Variants in RIMBP2 observed in about 807,000 individuals in gnomAD.
RIMBP2 encodes RIMS binding protein 2.
Under a neutral mutation model 118.6 loss-of-function variants are expected in RIMBP2, and 48 were observed. The ratio of observed to expected loss-of-function variants is 0.40; its 90% CI spans 0.32 to 0.51. RIMBP2 has a LOEUF of 0.51. Ranked by LOEUF, RIMBP2 falls within the 20% of genes least tolerant of loss-of-function variation. The pLI is 0.41. For missense variants in RIMBP2, 1,551 were observed against 1,768.3 expected, an observed-to-expected ratio of 0.88 and a Z score of 2.20; for synonymous variants, 762 against 742.9, an observed-to-expected ratio of 1.03 and a Z score of -0.42.
chr12:130,463,356 CAA>C, intron 6 of RIMBP2, among the ~76,000 whole-genome samples: 1 of 152,326 alleles, frequency 6.6e-6, no homozygotes, highest in African/African-American at 2.4e-5. Flanking sequence ...TGCTCAGAAG[CAA>C]CTGAGTCCGG....
At chr12:130,588,561 G>A (rs949951926) in intron 2 of RIMBP2, among the ~76,000 whole-genome samples, 26 of 152,208 alleles carry the variant, frequency 1.7e-4, no homozygotes, top group Middle Eastern at 3.2e-3. Context: ...AGGGAGACAC[G>A]CTGTTGGAGA....
intron 14 of RIMBP2, chr12:130,432,185 G>A (rs1257292328): frequency 2.2e-6 from 1 of 456,174 alleles, no homozygotes; most frequent in East Asian, 7.0e-5. Context: ...CTGGATAGGT[G>A]AGGAGAACGT....
rs567181852 is a variant in RIMBP2, at chr12:130,434,396, C to T, written c.2253+338G>A. 9.9e-5 allele frequency among the ~76,000 whole-genome samples: 15 copies of T among 152,228 alleles called. No homozygotes were observed. The highest frequency in any genetic ancestry group is 3.4e-4 in the African/African-American group (14 of 41,550). ...GGCCAACAAACATCTGCCCAGTTAACGGAGGTGAATGAGCGAATGGCAGGT... is the reference window on the plus strand; with the variant it reads ...GGCCAACAAACATCTGCCCAGTTAATGGAGGTGAATGAGCGAATGGCAGGT... On this transcript the variant is annotated intron_variant, in intron 14 of 22. Transcript: ENST00000690449. The surrounding 1 kb of genome is among the most constrained non-coding windows in gnomAD (Gnocchi z 5.7).
chr12:130,676,981 G>T (rs2064520922), intron 1 of RIMBP2, among the ~76,000 whole-genome samples: 1 of 152,178 alleles, frequency 6.6e-6, no homozygotes, highest in Admixed American at 6.5e-5. Flanking sequence ...TCACAGCAGT[G>T]TGCACCTAGA....
At chr12:130,412,567 T>TA (rs2075801880) in intron 19 of RIMBP2, 52 bp downstream of exon 19, 8 of 1,529,844 alleles carry the variant, frequency 5.2e-6, no homozygotes, top group Non-Finnish European at 7.2e-6. Flanking sequence ...GAGCGGCAGG[T>TA]GTTTTGTGGG....
Position 130,690,479 on chromosome 12 carries a change from G to C in RIMBP2, c.-352+25743C>G, listed in dbSNP as rs529412780. ...GAATGCAGAAAGAAGAAGAAACACA[G>C]ACTCTTTGGCAACATGATTTGAGCC... On this transcript the variant is annotated intron_variant, in intron 1 of 22. Transcript: ENST00000690449. Among the ~76,000 whole-genome samples, 35 of 152,284 alleles carry C rather than the reference G, an allele frequency of 2.3e-4. 1 individual carries two copies. The South Asian group carries it at 7.1e-3, about 31-fold the overall frequency.
intron 6 of RIMBP2, among the ~76,000 whole-genome samples, chr12:130,461,804 G>T (rs1441457026): frequency 1.3e-5 from 2 of 152,066 alleles, no homozygotes; most frequent in African/African-American, 2.4e-5. Context: ...GTTTCCCAAG[G>T]CCTCCCCAGA....
intron 12 of RIMBP2, among the ~76,000 whole-genome samples, chr12:130,437,606 C>T (rs888843875): frequency 6.6e-6 from 1 of 152,168 alleles, no homozygotes; most frequent in Admixed American, 6.5e-5. Flanking sequence ...GAGTGAGTGT[C>T]AGGTTTATTA....
chr12:130,545,201 G>A (rs892097583), intron 2 of RIMBP2, among the ~76,000 whole-genome samples: 18 of 152,012 alleles, frequency 1.2e-4, no homozygotes, highest in African/African-American at 3.6e-4. Context: ...GAACTTTCTC[G>A]TCAGGACTCC....
At chr12:130,426,148 C>T (rs973391703) in intron 15 of RIMBP2, 1 of 152,336 alleles carries the variant, frequency 6.6e-6, no homozygotes, top group Non-Finnish European at 1.5e-5. Context: ...CTGCCGTGCC[C>T]ATCAGGGATC....
chr12:130,421,447 G>A (rs1002634769), intron 17 of RIMBP2, among the ~76,000 whole-genome samples: 1 of 152,194 alleles, frequency 6.6e-6, no homozygotes, highest in Non-Finnish European at 1.5e-5. Context: ...ATTGTACAAG[G>A]AAGAAAAAGT....
At chr12:130,566,675 G>A (rs558085196) in intron 2 of RIMBP2, among the ~76,000 whole-genome samples, 12 of 152,332 alleles carry the variant, frequency 7.9e-5, no homozygotes, top group African/African-American at 1.9e-4. Flanking sequence ...AGCCCCAGCC[G>A]ACAGCTTGAC....
intron 2 of RIMBP2, among the ~76,000 whole-genome samples, chr12:130,601,316 TG>T (rs1437400077): frequency 1.8e-5 from 1 of 56,404 alleles, no homozygotes; most frequent in Non-Finnish European, 3.4e-5. Context: ...ACCCTGGGGA[TG>T]GGGTCAAAGA....
chr12:130,587,853 A>G (rs1001854947), intron 2 of RIMBP2, among the ~76,000 whole-genome samples: 1 of 150,748 alleles, frequency 6.6e-6, no homozygotes, highest in Non-Finnish European at 1.5e-5. Context: ...GAAAAAAAAA[A>G]GAAGAGATGG....
At chr12:130,636,238 C>T (rs1011843239) in intron 1 of RIMBP2, among the ~76,000 whole-genome samples, 1 of 152,148 alleles carries the variant, frequency 6.6e-6, no homozygotes, top group African/African-American at 2.4e-5. Flanking sequence ...GCCCAGGAAG[C>T]CCTCCCTCTA....
At chr12:130,584,484 C>A (rs1272158581) in intron 2 of RIMBP2, among the ~76,000 whole-genome samples, 2 of 149,368 alleles carry the variant, frequency 1.3e-5, no homozygotes, top group East Asian at 2.0e-4. Flanking sequence ...ATTGCCATCA[C>A]CACCATCACA....
intron 2 of RIMBP2, among the ~76,000 whole-genome samples, chr12:130,549,449 A>C (rs1275775799): frequency 1.3e-5 from 2 of 152,196 alleles, no homozygotes; most frequent in East Asian, 3.9e-4. Context: ...CTTGTCGTAC[A>C]GATTATGTCA....
intron 2 of RIMBP2, among the ~76,000 whole-genome samples, chr12:130,595,481 C>A (rs962863331): frequency 2.6e-5 from 4 of 152,134 alleles, no homozygotes; most frequent in African/African-American, 7.2e-5. Context: ...ACCCAGGAGG[C>A]AGAGCTTGCA....
intron 12 of RIMBP2, 62 bp downstream of exon 12, chr12:130,438,303 G>T: frequency 6.3e-7 from 1 of 1,581,412 alleles, no homozygotes; most frequent in Non-Finnish European, 8.6e-7. Flanking sequence ...AGCAAATACC[G>T]GGCCGGTCCC....
Sources: gnomAD v4.1 joint callset for allele counts (sites outside exome capture counted in the v4.1 genomes callset) on GRCh38, gnomAD v4.1.1 for gene constraint, Gnocchi (gnomAD v3.1) non-coding constraint, MANE v1.5 for transcripts, NCBI Gene and HGNC (gene_info 2026-07-23, HGNC 2026-07-21) for gene names.